The following ZNF608 variants were observed in gnomAD, a reference collection of about 807,000 sequenced individuals.
The protein encoded by ZNF608 is zinc finger protein 608.
Under a neutral mutation model 109.0 loss-of-function variants are expected in ZNF608, and 12 were observed. The ratio of observed to expected loss-of-function variants is 0.11; its 90% CI spans 0.07 to 0.18. The LOEUF (loss-of-function observed/expected upper bound fraction) is 0.18. Ranked by LOEUF, ZNF608 falls within the 10% of genes least tolerant of loss-of-function variation. The pLI, the probability that ZNF608 is intolerant of heterozygous loss-of-function variation, is 1.00. For synonymous variants in ZNF608, 732 were observed against 717.4 expected, an observed-to-expected ratio of 1.02 and a Z score of -0.33; for missense variants, 1,707 against 1,879.3, an observed-to-expected ratio of 0.91 and a Z score of 1.70.
chr5:124,747,090 G>T (rs1749666707), upstream of ZNF608, among the ~76,000 whole-genome samples: 1 of 151,948 alleles, frequency 6.6e-6, no homozygotes, highest in Non-Finnish European at 1.5e-5. Flanking sequence ...CTCCCGAGGG[G>T]AGTGGAATCC....
chr5:124,678,305 A>C (rs752063590), intron 3 of ZNF608, among the ~76,000 whole-genome samples: 1 of 152,210 alleles, frequency 6.6e-6, no homozygotes, highest in East Asian at 1.9e-4. Flanking sequence ...AAAGGCCTCC[A>C]CTTTGGGACA....
At chr5:124,666,997 A>T (rs1219249190) in intron 3 of ZNF608, among the ~76,000 whole-genome samples, 4 of 152,170 alleles carry the variant, frequency 2.6e-5, no homozygotes, top group African/African-American at 9.7e-5. Context: ...TCAATATATG[A>T]GTAAATATGG....
intron 3 of ZNF608, among the ~76,000 whole-genome samples, chr5:124,671,752 C>CGCTG (rs1751734605): frequency 6.6e-6 from 1 of 151,566 alleles, no homozygotes; most frequent in Non-Finnish European, 1.5e-5. Context: ...CCTTCTAGCT[C>CGCTG]AGCCTCCCGA....
intron 2 of ZNF608, among the ~76,000 whole-genome samples, chr5:124,706,838 C>T (rs1753277714): frequency 1.3e-5 from 2 of 152,186 alleles, no homozygotes; most frequent in Non-Finnish European, 2.9e-5. Context: ...GTTATTTTTG[C>T]ATGATTATTC....
rs1749248463 is a variant in ZNF608 at position 124,738,600 on chromosome 5, C to T, written c.906+5484G>A. Among the ~76,000 whole-genome samples, 5 of 152,322 alleles carry T rather than the reference C, an allele frequency of 3.3e-5. No homozygotes were observed. In the South Asian group the frequency reaches 8.3e-4, roughly 25 times the overall value. ...TTCAAGAAGCAGAGAGTTTAAACTGCATTGAAACTCAATTATACTCATGAC... is the reference window on the plus strand; with the variant it reads ...TTCAAGAAGCAGAGAGTTTAAACTGTATTGAAACTCAATTATACTCATGAC... On this transcript the variant is annotated intron_variant, in intron 2 of 9. Coordinates refer to ENST00000513986, the MANE Select transcript of ZNF608 (RefSeq NM_020747.3).
intron 3 of ZNF608, among the ~76,000 whole-genome samples, chr5:124,683,985 G>A (rs758688449): frequency 6.6e-6 from 1 of 152,132 alleles, no homozygotes; most frequent in Non-Finnish European, 1.5e-5. Context: ...TAAAATAAAT[G>A]TCAGTCTACT....
chr5:124,644,528 C>T lies in ZNF608; in HGVS notation c.3839G>A (p.Gly1280Asp). 12 of 1,614,162 alleles carry T rather than the reference C, an allele frequency of 7.4e-6. No individual in the cohort carries two copies. The highest frequency in any genetic ancestry group is 1.0e-5 in the Non-Finnish European group (12 of 1,180,034). The change falls in exon 6 of 10, where the codon GGT (glycine) becomes GAT (aspartate). Residue 1280 changes from glycine (G) to aspartate (D), a missense_variant. Around this residue, in one of 7 missense-constraint regions of ZNF608, gnomAD observed 1,073 missense variants for 1,133.5 expected, o/e 0.95. Coordinates refer to ENST00000513986, the MANE Select transcript of ZNF608 (RefSeq NM_020747.3). ...TAACGATACAGGAAGGCTGGGCACACCACTCTCTTTATTAGGAGTTTTCCT... is the reference window on the plus strand; with the variant it reads ...TAACGATACAGGAAGGCTGGGCACATCACTCTCTTTATTAGGAGTTTTCCT... ...SPRKTPNKES[G>D]VPSLPVSLTS...
intron 2 of ZNF608, chr5:124,710,413 C>T (rs1486002151): frequency 2.7e-6 from 1 of 365,180 alleles, no homozygotes; most frequent in Non-Finnish European, 5.3e-6. Flanking sequence ...AATTAAATGA[C>T]AAGGAAGTGC....
At chr5:124,709,743 C>T (rs756805879) in intron 2 of ZNF608, among the ~76,000 whole-genome samples, 1 of 152,198 alleles carries the variant, frequency 6.6e-6, no homozygotes, top group Non-Finnish European at 1.5e-5. Flanking sequence ...GTTTTCATAT[C>T]TTGTTCATAA....
chr5:124,649,526 C>G, intron 4 of ZNF608, 84 bp downstream of exon 4: 2 of 1,154,828 alleles, frequency 1.7e-6, no homozygotes, highest in East Asian at 2.5e-5. Context: ...TACAGGCACA[C>G]TTTTATGTAT....
intron 2 of ZNF608, among the ~76,000 whole-genome samples, chr5:124,737,589 G>C (rs1749210234): frequency 6.6e-6 from 1 of 152,170 alleles, no homozygotes; most frequent in Non-Finnish European, 1.5e-5. Flanking sequence ...GATCCCTGTG[G>C]TTCAAGGCCC....
At chr5:124,665,844 C>A (rs1751456486) in intron 3 of ZNF608, among the ~76,000 whole-genome samples, 1 of 152,210 alleles carries the variant, frequency 6.6e-6, no homozygotes, top group Non-Finnish European at 1.5e-5. Context: ...ACAGTCATAT[C>A]CAACAAATCT....
chr5:124,643,723 A>G (rs777078640), intron 6 of ZNF608, 40 bp from the exon 7 acceptor site: 10 of 1,591,804 alleles, frequency 6.3e-6, no homozygotes, highest in South Asian at 1.1e-5. Context: ...GTTACAGGCT[A>G]TATCTTTAAA....
At chr5:124,681,891 AC>A (rs1387085307) in intron 3 of ZNF608, among the ~76,000 whole-genome samples, 4 of 152,226 alleles carry the variant, frequency 2.6e-5, no homozygotes, top group African/African-American at 4.8e-5. Context: ...CTCGGAGACA[AC>A]ACTGGGGAGC....
At chr5:124,680,103 T>C (rs775886069) in intron 3 of ZNF608, among the ~76,000 whole-genome samples, 7 of 152,038 alleles carry the variant, frequency 4.6e-5, no homozygotes, top group Admixed American at 2.0e-4. Flanking sequence ...CCCAAGCTTA[T>C]AGTCTTCTGA....
intron 3 of ZNF608, among the ~76,000 whole-genome samples, chr5:124,685,319 G>A (rs1033682944): frequency 6.6e-6 from 1 of 151,660 alleles, no homozygotes; most frequent in African/African-American, 2.4e-5. Context: ...ATTAATGATC[G>A]GAATGAAATA....
At chr5:124,701,879 A>T (rs747324144) in intron 2 of ZNF608, among the ~76,000 whole-genome samples, 2 of 152,220 alleles carry the variant, frequency 1.3e-5, no homozygotes, top group Admixed American at 6.5e-5. Context: ...AGCAGAATTC[A>T]TATAAGGGGG....
chr5:124,698,127 C>T (rs191762111), intron 3 of ZNF608, among the ~76,000 whole-genome samples: 31 of 152,314 alleles, frequency 2.0e-4, no homozygotes, highest in Middle Eastern at 3.4e-3. Context: ...CTCTCCCCTC[C>T]CCTTCTCCTG....
intron 1 of ZNF608, 42 bp from the exon 2 acceptor site, chr5:124,745,214 T>C: frequency 1.4e-6 from 2 of 1,385,630 alleles, no homozygotes; most frequent in Non-Finnish European, 1.9e-6. Context: ...CTTGTCTGGG[T>C]GTTACCAGAA....
Sources: allele counts gnomAD v4.1 joint callset (sites outside exome capture counted in the v4.1 genomes callset), GRCh38; gene constraint gnomAD v4.1.1; regional missense constraint gnomAD v4.1.1; transcripts MANE v1.5; gene names NCBI Gene and HGNC (gene_info 2026-07-23, HGNC 2026-07-21).